The following NSMCE2 variants were observed in gnomAD, a reference collection of about 807,000 sequenced individuals.
NSMCE2 encodes the protein NSE2 SUMO ligase component of SMC5/6 complex, also known as E3 SUMO-protein ligase NSE2.
Under a neutral mutation model 23.8 loss-of-function variants are expected in NSMCE2, and 24 were observed. That is an observed-to-expected ratio of 1.01 (90% CI 0.73 to 1.42). NSMCE2 has a LOEUF of 1.42. Ranked by LOEUF, NSMCE2 falls within the 40% of genes most tolerant of loss-of-function variation. NSMCE2 has a pLI of 0.00. For missense variants in NSMCE2, 284 were observed against 296.5 expected, an observed-to-expected ratio of 0.96 and a Z score of 0.31; for synonymous variants, 92 against 94.1, an observed-to-expected ratio of 0.98 and a Z score of 0.13.
At chr8:125,200,015 C>A (rs1457715903) in intron 5 of NSMCE2, among the ~76,000 whole-genome samples, 1 of 152,076 alleles carries the variant, frequency 6.6e-6, no homozygotes, top group Non-Finnish European at 1.5e-5. Context: ...TTCTTGCTTT[C>A]CATTTGCTTG....
chr8:125,118,044 A>G (rs1241265872), intron 3 of NSMCE2, among the ~76,000 whole-genome samples: 2 of 152,170 alleles, frequency 1.3e-5, no homozygotes, highest in African/African-American at 2.4e-5. Flanking sequence ...GTGCATCAGC[A>G]TCACTTTAGA....
At chr8:125,309,947 T>A (rs1015361997) in intron 5 of NSMCE2, among the ~76,000 whole-genome samples, 1 of 152,188 alleles carries the variant, frequency 6.6e-6, no homozygotes, top group Non-Finnish European at 1.5e-5. Flanking sequence ...ATGTTAAAGC[T>A]CTGCTGTGAG....
At chr8:125,266,853 G>A (rs967971400) in intron 5 of NSMCE2, among the ~76,000 whole-genome samples, 2 of 152,134 alleles carry the variant, frequency 1.3e-5, no homozygotes, top group African/African-American at 4.8e-5. Flanking sequence ...TCCAGTGTCT[G>A]TTAAAGAGGA....
intron 5 of NSMCE2, among the ~76,000 whole-genome samples, chr8:125,198,084 T>C (rs893140695): frequency 6.6e-6 from 1 of 152,202 alleles, no homozygotes; most frequent in Non-Finnish European, 1.5e-5. Context: ...AAGGAGATTT[T>C]GGGCTCAGAC....
intron 4 of NSMCE2, among the ~76,000 whole-genome samples, chr8:125,178,642 G>A (rs1028993885): frequency 6.6e-6 from 1 of 152,058 alleles, no homozygotes; most frequent in Non-Finnish European, 1.5e-5. Flanking sequence ...AGGTGGAGGC[G>A]GGCGGATCAC....
chr8:125,180,158 G>A (rs1313750580), intron 4 of NSMCE2, among the ~76,000 whole-genome samples: 1 of 152,212 alleles, frequency 6.6e-6, no homozygotes, highest in Admixed American at 6.5e-5. Context: ...GTAGAGGATA[G>A]CTAGTCACCG....
At position 125,262,931 on chromosome 8, in the gene NSMCE2, A is replaced by G. The variant is rs1345472343; in HGVS notation, c.418+80675A>G. Among the ~76,000 whole-genome samples the G allele has an allele frequency of 2.6e-5, 4 of 152,292 alleles. No homozygotes were observed. The East Asian group carries it at 7.7e-4, about 29-fold the overall frequency. On this transcript the variant is annotated intron_variant, in intron 5 of 7. Transcript: ENST00000287437. ...TTGACCATTTCAGTGCCTCCGCGAAAAAAGGTTGAAGATGAGTATCTTTAT... is the reference window on the plus strand; with the variant it reads ...TTGACCATTTCAGTGCCTCCGCGAAGAAAGGTTGAAGATGAGTATCTTTAT...
Position 125,256,012 on chromosome 8 carries a change from G to T in NSMCE2, c.418+73756G>T, listed in dbSNP as rs148660714. On this transcript the variant is annotated intron_variant, in intron 5 of 7. Transcript: ENST00000287437. ...AAAAGAATACTAACTGGCCGGATGT[G>T]GTGGCTCACGCCTGTAATCCCAGCA... Among the ~76,000 whole-genome samples, 4 of 152,292 alleles carry T rather than the reference G, an allele frequency of 2.6e-5. No homozygotes were observed. The East Asian group carries it at 7.7e-4, about 29-fold the overall frequency.
intron 5 of NSMCE2, among the ~76,000 whole-genome samples, chr8:125,328,039 TA>T (rs1204878502): frequency 6.6e-6 from 1 of 152,220 alleles, no homozygotes; most frequent in Non-Finnish European, 1.5e-5. Flanking sequence ...AATCATTTTT[TA>T]AAACTGTTTG....
chr8:125,222,195 G>A (rs987541034), intron 5 of NSMCE2, among the ~76,000 whole-genome samples: 3 of 151,868 alleles, frequency 2.0e-5, no homozygotes, highest in Admixed American at 6.6e-5. Flanking sequence ...AAAAGATTAG[G>A]TATAAGGATG....
At chr8:125,169,747 C>G (rs1265098610) in intron 4 of NSMCE2, among the ~76,000 whole-genome samples, 1 of 151,460 alleles carries the variant, frequency 6.6e-6, no homozygotes, top group African/African-American at 2.4e-5. Flanking sequence ...TTTTTCCTGC[C>G]TTTTCCATAA....
intron 5 of NSMCE2, among the ~76,000 whole-genome samples, chr8:125,220,917 G>A (rs1190265737): frequency 1.3e-5 from 2 of 152,160 alleles, no homozygotes. Flanking sequence ...TGGTTAAAGA[G>A]ATTTCTTATA....
chr8:125,334,516 G>T (rs1392137291), intron 5 of NSMCE2, among the ~76,000 whole-genome samples: 1 of 152,166 alleles, frequency 6.6e-6, no homozygotes, highest in Non-Finnish European at 1.5e-5. Context: ...CAGGTCACAT[G>T]GCACGTTGAG....
chr8:125,299,233 G>A (rs1478266491), intron 5 of NSMCE2, among the ~76,000 whole-genome samples: 1 of 152,166 alleles, frequency 6.6e-6, no homozygotes, highest in South Asian at 2.1e-4. Context: ...TCATCACCAA[G>A]TATATTGGCT....
chr8:125,286,538 C>T (rs562849044), intron 5 of NSMCE2, among the ~76,000 whole-genome samples: 1 of 152,168 alleles, frequency 6.6e-6, no homozygotes, highest in Non-Finnish European at 1.5e-5. Flanking sequence ...GTCTCAAACT[C>T]CTGACCTCAA....
At chr8:125,170,225 C>T (rs1822110952) in intron 4 of NSMCE2, among the ~76,000 whole-genome samples, 1 of 151,876 alleles carries the variant, frequency 6.6e-6, no homozygotes, top group African/African-American at 2.4e-5. Context: ...TGTTTTTCTC[C>T]AAAACCAGCT....
Position 125,162,635 on chromosome 8 carries a change from A to G in NSMCE2, c.264+11358A>G, listed in dbSNP as rs541371904. On this transcript the variant is annotated intron_variant, in intron 4 of 7. Transcript: ENST00000287437. ...TTGATTAAAAAAATGAGATAACATTATGTGAAAGTACTTGGGAGGTAAGAG... is the reference window on the plus strand; with the variant it reads ...TTGATTAAAAAAATGAGATAACATTGTGTGAAAGTACTTGGGAGGTAAGAG... Among the ~76,000 whole-genome samples the G allele has an allele frequency of 1.7e-4, 26 of 152,286 alleles. 1 individual carries two copies. Among genetic ancestry groups the G allele is most frequent in the African/African-American group, 6.3e-4 (26 of 41,548 alleles).
intron 5 of NSMCE2, among the ~76,000 whole-genome samples, chr8:125,310,419 C>T (rs1337962651): frequency 6.6e-6 from 1 of 152,060 alleles, no homozygotes; most frequent in Admixed American, 6.6e-5. Context: ...TGAAAGAGTA[C>T]CTACCATATG....
chr8:125,338,388 A>G (rs1480527750), intron 5 of NSMCE2, among the ~76,000 whole-genome samples: 1 of 152,062 alleles, frequency 6.6e-6, no homozygotes, highest in Non-Finnish European at 1.5e-5. Context: ...ATCTCCCAAA[A>G]TCCTCTTGGC....
Sources: gnomAD v4.1 joint callset for allele counts (sites outside exome capture counted in the v4.1 genomes callset) on GRCh38, gnomAD v4.1.1 for gene constraint, MANE v1.5 for transcripts, NCBI Gene and HGNC (gene_info 2026-07-23, HGNC 2026-07-21) for gene names.